Variants in CFAP47 observed in about 807,000 individuals in gnomAD.
CFAP47 encodes the protein cilia- and flagella-associated protein 47.
CFAP47 carries 29 observed loss-of-function variants against 148.1 expected under a neutral mutation model. The observed-to-expected ratio is 0.20, with a 90% CI of 0.15 to 0.27. CFAP47 has a LOEUF of 0.27. CFAP47 is among the 10% of genes least tolerant of loss of function. The pLI, the probability that CFAP47 is intolerant of heterozygous loss-of-function variation, is 1.00. For missense variants in CFAP47, 1,872 were observed against 1,697.5 expected, an observed-to-expected ratio of 1.10 and a Z score of -1.81; for synonymous variants, 664 against 577.3, an observed-to-expected ratio of 1.15 and a Z score of -2.15.
chrX:35,953,637 G>A lies in CFAP47; in HGVS notation c.1092G>A (p.Gln364=), dbSNP rs1381266492. The A allele has an allele frequency of 8.3e-7, 1 of 1,199,265 alleles. No individual in the cohort carries two copies. The highest frequency in any genetic ancestry group is 2.2e-5 in the Admixed American group (1 of 45,665). Residue 364 remains glutamine (Q), a synonymous_variant, in exon 7 of 64, where the codon CAG becomes CAA. Coordinates refer to ENST00000378653, the MANE Select transcript of CFAP47 (RefSeq NM_001304548.2). The part of the protein sequence containing the change: ...GKKDIGPSYR[Q]DYALFLRFES... The stretch of plus-strand genomic sequence containing the variant: ...AGGATATTGGACCTTCATACAGACA[G>A]GACTATGCTCTCTTTTTGAGATTTG...
chrX:36,046,859 C>T lies in CFAP47; in HGVS notation c.4013C>T (p.Ser1338Leu). Residue 1338 changes from serine to leucine, a missense_variant, in exon 26 of 64, where the codon TCA (serine) becomes TTA (leucine). Transcript: ENST00000378653. Reference protein sequence around the residue: ...NILPQNYFRNSTLCVQIPTVR... With the variant: ...NILPQNYFRNLTLCVQIPTVR... Reference sequence around the variant, plus strand: ...ATTTTTTTTATTTTAAACAGAAATTCAACTCTATGTGTCCAGATTCCCACA... The same window carrying T: ...ATTTTTTTTATTTTAAACAGAAATTTAACTCTATGTGTCCAGATTCCCACA... The T allele has an allele frequency of 9.0e-7, 1 of 1,116,252 alleles. No homozygotes were observed. Among genetic ancestry groups the T allele is most frequent in the Non-Finnish European group, 1.2e-6 (1 of 841,989 alleles). 92.0% of individuals were successfully genotyped at this position (1,116,252 alleles called of 1,213,427 possible).
At position 35,924,316 on chromosome X, in the gene CFAP47, C is replaced by T. The variant is rs780564380; in HGVS notation, c.250-1701C>T. Among the ~76,000 whole-genome samples, 21 of 103,653 alleles carry T rather than the reference C, an allele frequency of 2.0e-4. 2 individuals carry two copies. Among genetic ancestry groups the T allele is most frequent in the African/African-American group, 3.0e-4 (8 of 26,806 alleles). The allele number at this position is 103,653 out of a possible 115,157, so 90.0% of individuals were successfully genotyped here. The stretch of plus-strand genomic sequence containing the variant: ...ATGTGTACACATATGTATATATGTA[C>T]ATGTATGTGTATATGTGTACATATA... On this transcript the variant is annotated intron_variant, in intron 1 of 63. Coordinates refer to ENST00000378653, the MANE Select transcript of CFAP47 (RefSeq NM_001304548.2).
chrX:36,261,068 C>G (rs782120552), intron 49 of CFAP47, among the ~76,000 whole-genome samples: 35 of 106,169 alleles, frequency 3.3e-4, no homozygotes, highest in African/African-American at 1.2e-3. Context: ...GTCTATGTGT[C>G]TATTTCTGTA....
At chrX:36,027,839 A>G (rs1937237845) in intron 22 of CFAP47, among the ~76,000 whole-genome samples, 1 of 111,292 alleles carries the variant, frequency 9.0e-6, no homozygotes, top group Non-Finnish European at 1.9e-5. Context: ...TTAGTTTTTA[A>G]TAGTAGCCTT....
chrX:36,266,959 T>C (rs1304333412), intron 49 of CFAP47, among the ~76,000 whole-genome samples: 5 of 110,996 alleles, frequency 4.5e-5, no homozygotes, highest in African/African-American at 9.8e-5. Flanking sequence ...TCTCAGTGCA[T>C]TCTTTCAGAC....
intron 60 of CFAP47, among the ~76,000 whole-genome samples, chrX:36,356,709 A>G (rs1941788996): frequency 9.0e-6 from 1 of 111,531 alleles, no homozygotes; most frequent in Admixed American, 9.6e-5. Context: ...GCACATTAAG[A>G]ATAGGAGTCA....
intron 49 of CFAP47, among the ~76,000 whole-genome samples, chrX:36,268,489 T>C (rs1263360626): frequency 5.3e-5 from 6 of 112,867 alleles, no homozygotes; most frequent in African/African-American, 1.9e-4. Context: ...CTATAGATGC[T>C]CTATTGAATA....
chrX:36,227,848 A>C (rs782570660), intron 45 of CFAP47, among the ~76,000 whole-genome samples: 2 of 112,017 alleles, frequency 1.8e-5, no homozygotes, highest in African/African-American at 6.5e-5. Context: ...AGGGTTGCCA[A>C]ATTTTTATAA....
chrX:36,278,963 T>G (rs1556003108), intron 49 of CFAP47, among the ~76,000 whole-genome samples: 2 of 111,887 alleles, frequency 1.8e-5, no homozygotes, highest in African/African-American at 6.5e-5. Flanking sequence ...TAACTGTCTG[T>G]AAAAATATGA....
intron 26 of CFAP47, among the ~76,000 whole-genome samples, chrX:36,054,129 C>CT (rs1937535510): frequency 8.9e-6 from 1 of 111,978 alleles, no homozygotes; most frequent in East Asian, 2.8e-4. Context: ...CACAGAACTC[C>CT]TAGAAGGTGG....
chrX:36,021,567 G>T, intron 22 of CFAP47, among the ~76,000 whole-genome samples: 1 of 111,072 alleles, frequency 9.0e-6, no homozygotes, highest in East Asian at 2.8e-4. Flanking sequence ...TGTTACATAG[G>T]TATACATGTG....
rs1556002139 is a variant in CFAP47 at position 36,273,168 on chromosome X, AACC to A, written c.7445-7318_7445-7316del. Among the ~76,000 whole-genome samples, 3 of 111,689 alleles carry A rather than the reference AACC, an allele frequency of 2.7e-5. No homozygotes were observed. The Admixed American group carries it at 2.9e-4, about 11-fold the overall frequency. ...ATTTTAAAAATTATTTTCAAAGGAAAACCCATTAATATAAAATTATGTTTTTCA... is the reference window on the plus strand; with the variant it reads ...ATTTTAAAAATTATTTTCAAAGGAAACATTAATATAAAATTATGTTTTTCA... On this transcript the variant is annotated intron_variant, in intron 49 of 63. Coordinates refer to ENST00000378653, the MANE Select transcript of CFAP47 (RefSeq NM_001304548.2).
chrX:36,226,947 A>G (rs1940276797), intron 45 of CFAP47, among the ~76,000 whole-genome samples: 1 of 111,494 alleles, frequency 9.0e-6, no homozygotes, highest in Non-Finnish European at 1.9e-5. Context: ...AATAAAATAA[A>G]CGTAAATTAA....
chrX:35,932,406 C>A (rs1178161962), intron 2 of CFAP47, among the ~76,000 whole-genome samples: 2 of 106,360 alleles, frequency 1.9e-5, no homozygotes, highest in African/African-American at 6.9e-5. Context: ...ATTACAAGCA[C>A]CCGCCACCAC....
chrX:36,301,196 A>G lies in CFAP47; in HGVS notation c.7970+17A>G, dbSNP rs782032028. 3.2e-6 allele frequency: 3 copies of G among 934,219 alleles called. No homozygotes were observed. Among genetic ancestry groups the G allele is most frequent in the South Asian group, 4.5e-5 (2 of 44,198 alleles). The allele number at this position is 934,219 out of a possible 1,213,427, so 77.0% of individuals were successfully genotyped here. The stretch of plus-strand genomic sequence containing the variant: ...CCTTGGCAAGTAAGTTCTACTTAAT[A>G]GATAAAGTTATTGCTTGCAAGAAAA... On this transcript the variant is annotated intron_variant, in intron 53 of 63. Coordinates refer to ENST00000378653, the MANE Select transcript of CFAP47 (RefSeq NM_001304548.2).
rs143068749 is a variant in CFAP47, at chrX:36,261,320, C to CTTTTTTTTTT, written c.7444+9891_7444+9900dup. Among the ~76,000 whole-genome samples the CTTTTTTTTTT allele has an allele frequency of 4.4e-4, 9 of 20,444 alleles. 1 individual carries two copies. The highest frequency in any genetic ancestry group is 2.5e-3 in the South Asian group (1 of 393). 17.8% of individuals were successfully genotyped at this position (20,444 alleles called of 115,157 possible). A position where few individuals can be genotyped will look rare whatever the true frequency, so the allele number is the denominator to read the frequency against. ...GCCACCCTATCAGTTAGATACTATT[C>CTTTTTTTTTT]TTTTTTTTTTTTTTTTTTTTTTTTC... is the stretch of plus-strand genomic sequence containing the variant. On this transcript the variant is annotated intron_variant, in intron 49 of 63. Transcript: ENST00000378653.
intron 45 of CFAP47, among the ~76,000 whole-genome samples, chrX:36,226,323 C>A (rs59404325): frequency 0.045 from 5,052 of 111,289 alleles, 242 homozygotes; most frequent in African/African-American, 0.14. Context: ...GAAAACATGT[C>A]CCATTATTAT....
At chrX:36,226,715 A>T (rs1034570601) in intron 45 of CFAP47, among the ~76,000 whole-genome samples, 24 of 111,566 alleles carry the variant, frequency 2.2e-4, no homozygotes, top group African/African-American at 7.1e-4. Flanking sequence ...ACACTTAAGA[A>T]TGTCTTTGGC....
At chrX:36,136,534 G>A (rs893503207) in intron 33 of CFAP47, among the ~76,000 whole-genome samples, 4 of 110,828 alleles carry the variant, frequency 3.6e-5, no homozygotes, top group Non-Finnish European at 5.7e-5. Flanking sequence ...AGCTATGGGT[G>A]GCAAATATAC....
Sources: gnomAD v4.1 joint callset for allele counts (sites outside exome capture counted in the v4.1 genomes callset) on GRCh38, gnomAD v4.1.1 for gene constraint, MANE v1.5 for transcripts, NCBI Gene and HGNC (gene_info 2026-07-23, HGNC 2026-07-21) for gene names.